The following RAB1B variants were observed in gnomAD, a reference collection of about 807,000 sequenced individuals.
The protein encoded by RAB1B is ras-related protein Rab-1B.
RAB1B carries 10 observed loss-of-function variants against 24.8 expected under a neutral mutation model. The ratio of observed to expected loss-of-function variants is 0.40; its 90% CI spans 0.25 to 0.68. The LOEUF is 0.68. RAB1B is among the 30% of genes least tolerant of loss of function. RAB1B has a pLI of 0.37. For synonymous variants in RAB1B, 99 were observed against 111.7 expected (o/e 0.89, Z 0.72); for missense variants, 154 against 271.2 (o/e 0.57, Z 3.04).
chr11:66,268,774 C>T (rs1590881921), intron 1 of RAB1B, 81 bp downstream of exon 1: 6 of 1,377,456 alleles, frequency 4.4e-6, no homozygotes, highest in Non-Finnish European at 5.8e-6. Context: ...TTGTCTGGCC[C>T]GGGTCAGGAC....
At chr11:66,274,692 C>G (rs1048121339) in intron 4 of RAB1B, among the ~76,000 whole-genome samples, 3 of 151,702 alleles carry the variant, frequency 2.0e-5, no homozygotes, top group Non-Finnish European at 2.9e-5. Context: ...GTGCTCTGGC[C>G]TCTCCCCAAT....
chr11:66,272,081 G>C, intron 2 of RAB1B, 76 bp from the exon 3 acceptor site: 1 of 1,142,966 alleles, frequency 8.7e-7, no homozygotes, highest in Non-Finnish European at 1.3e-6. Flanking sequence ...AGCTGGGGCA[G>C]GGAACTGGAG....
chr11:66,271,926 A>G (rs1590884612), intron 2 of RAB1B, 57 bp downstream of exon 2: 1 of 1,396,608 alleles, frequency 7.2e-7, no homozygotes, highest in Non-Finnish European at 1.0e-6. Context: ...AGCTGGGGGG[A>G]GAAGGGACAA....
chr11:66,274,543 T>C (rs1390959221), intron 4 of RAB1B, among the ~76,000 whole-genome samples: 4 of 152,158 alleles, frequency 2.6e-5, no homozygotes, highest in Admixed American at 6.5e-5. Context: ...CCATTCCCAG[T>C]TGGTCTCTAT....
At chr11:66,271,928 A>G (rs1590884616) in intron 2 of RAB1B, 59 bp downstream of exon 2, 1 of 1,374,992 alleles carries the variant, frequency 7.3e-7, no homozygotes, top group Non-Finnish European at 1.0e-6. Context: ...CTGGGGGGAG[A>G]AGGGACAACA....
In RAB1B at chr11:66,276,847, C is replaced by A. The variant is rs916534773; in HGVS notation, c.*609C>A. On this transcript the variant is annotated 3_prime_UTR_variant, in exon 6 of 6. Transcript: ENST00000311481. Reference sequence around the variant, plus strand: ...CGGTGGGATCTGAGTATATCTAGGGCGGGTGGGCGGGTAGCAGTGCTGGGC... The same window carrying A: ...CGGTGGGATCTGAGTATATCTAGGGAGGGTGGGCGGGTAGCAGTGCTGGGC... The A allele has an allele frequency of 3.7e-4, 1 of 2,716 alleles. No individual in the cohort carries two copies. Among genetic ancestry groups the A allele is most frequent in the Non-Finnish European group, 6.0e-4 (1 of 1,662 alleles). The allele number at this position is 2,716 out of a possible 1,614,324, so 0.2% of individuals were successfully genotyped here.
Position 66,268,647 on chromosome 11 carries a change from C to G in RAB1B, c.-33C>G. Reference sequence around the variant, plus strand: ...GGAACGGGAGGCGGAGCAGAGTCGACTGGGAGCGACCGAGCGGGCCGCCGC... The same window carrying G: ...GGAACGGGAGGCGGAGCAGAGTCGAGTGGGAGCGACCGAGCGGGCCGCCGC... On this transcript the variant is annotated 5_prime_UTR_variant, in exon 1 of 6. Coordinates refer to ENST00000311481, the MANE Select transcript of RAB1B (RefSeq NM_030981.3). 4.5e-6 allele frequency: 7 copies of G among 1,559,068 alleles called. No homozygotes were observed. The highest frequency in any genetic ancestry group is 6.1e-6 in the Non-Finnish European group (7 of 1,153,918).
chr11:66,275,692 A>G, intron 4 of RAB1B, 112 bp from the exon 5 acceptor site: 11 of 1,208,822 alleles, frequency 9.1e-6, no homozygotes, highest in Non-Finnish European at 1.2e-5. Flanking sequence ...CGCTGAGCCC[A>G]GGACTTAAGG....
Position 66,276,275 on chromosome 11 carries a change from C to T in RAB1B, c.*37C>T. On this transcript the variant is annotated 3_prime_UTR_variant, in exon 6 of 6. Coordinates refer to ENST00000311481, the MANE Select transcript of RAB1B (RefSeq NM_030981.3). ...GGAGTGGGACAGGAGGGGGCACCTT[C>T]TCCAGATGATGTCCCTGGAGGGGGC... The T allele has an allele frequency of 6.8e-7, 1 of 1,469,544 alleles. No individual in the cohort carries two copies. The highest frequency in any genetic ancestry group is 9.0e-7 in the Non-Finnish European group (1 of 1,114,750). The allele number at this position is 1,469,544 out of a possible 1,614,324, so 91.0% of individuals were successfully genotyped here. A position where few individuals can be genotyped will look rare whatever the true frequency, so the allele number is the denominator to read the frequency against.
intron 4 of RAB1B, among the ~76,000 whole-genome samples, chr11:66,274,824 C>T (rs1485621047): frequency 6.7e-6 from 1 of 149,210 alleles, no homozygotes; most frequent in Non-Finnish European, 1.5e-5. Context: ...ATTCCATTTC[C>T]TCCCATTCCC....
Position 66,271,809 on chromosome 11 carries a change from T to C in RAB1B, c.27T>C (p.Phe9=). 1.2e-6 allele frequency: 2 copies of C among 1,614,072 alleles called. No individual in the cohort carries two copies. Among genetic ancestry groups the C allele is most frequent in the Non-Finnish European group, 1.7e-6 (2 of 1,179,964 alleles). Residue 9 remains phenylalanine (F), a synonymous_variant, in exon 2 of 6, where the codon TTT becomes TTC. Transcript: ENST00000311481. The part of the protein sequence containing the change: MNPEYDYL[F]KLLLIGDSGV... ...CTTCTCTCTCCAGTGACTACCTGTTTAAGCTGCTTTTGATTGGCGACTCAG... is the reference window on the plus strand; with the variant it reads ...CTTCTCTCTCCAGTGACTACCTGTTCAAGCTGCTTTTGATTGGCGACTCAG...
intron 2 of RAB1B, 95 bp from the exon 3 acceptor site, chr11:66,272,062 C>T (rs764163346): frequency 1.4e-5 from 15 of 1,045,768 alleles, no homozygotes; most frequent in Admixed American, 5.1e-5. Context: ...CTTGGTGGTT[C>T]GGAGACCCAG....
rs767999265 is a variant in RAB1B, at chr11:66,272,171, A to G, written c.102A>G (p.Thr34=). The G allele has an allele frequency of 1.9e-6, 3 of 1,613,032 alleles. No individual in the cohort carries two copies. In the East Asian group the frequency reaches 6.7e-5, roughly 36 times the overall value. ...TGAACTTTCAGGATGACACGTACAC[A>G]GAGAGCTACATCAGCACCATCGGGG... The part of the protein sequence containing the change: ...LLLRFADDTY[T]ESYISTIGVD... The change falls in exon 3 of 6, where the codon ACA becomes ACG. Residue 34 remains threonine (T), a synonymous_variant. Transcript: ENST00000311481.
chr11:66,272,341 G>C, intron 3 of RAB1B, 24 bp from the exon 4 acceptor site: 1 of 1,610,564 alleles, frequency 6.2e-7, no homozygotes, highest in Non-Finnish European at 8.5e-7. Flanking sequence ...CAGCTGACCT[G>C]CTCCTCTGCC....
At chr11:66,271,940 A>G (rs1337975003) in intron 2 of RAB1B, 71 bp downstream of exon 2, 1 of 1,262,606 alleles carries the variant, frequency 7.9e-7, no homozygotes, top group Non-Finnish European at 1.2e-6. Context: ...GGGACAACAC[A>G]GAGCACAGTA....
At chr11:66,271,620 G>C (rs1414386688) in intron 1 of RAB1B, 177 bp from the exon 2 acceptor site, 2 of 547,534 alleles carry the variant, frequency 3.7e-6, no homozygotes, top group Non-Finnish European at 6.6e-6. Context: ...GCAATGAGCC[G>C]TGATCACTTC....
chr11:66,269,913 C>T (rs1278040505), intron 1 of RAB1B: 1 of 151,656 alleles, frequency 6.6e-6, no homozygotes, highest in African/African-American at 2.4e-5. Context: ...CTCTCTCTGT[C>T]ACCCAGGCTG....
At chr11:66,273,806 T>C (rs913416588) in intron 4 of RAB1B, among the ~76,000 whole-genome samples, 16 of 152,114 alleles carry the variant, frequency 1.1e-4, no homozygotes, top group Non-Finnish European at 2.4e-4. Context: ...CTTGGAGAGG[T>C]GTTAAGTAAC....
intron 1 of RAB1B, among the ~76,000 whole-genome samples, chr11:66,269,045 T>C (rs1857003324): frequency 6.6e-6 from 1 of 151,862 alleles, no homozygotes. Flanking sequence ...TGTCCCGGAG[T>C]TTTGGAGCCC....
Sources: allele counts gnomAD v4.1 joint callset (sites outside exome capture counted in the v4.1 genomes callset), GRCh38; gene constraint gnomAD v4.1.1; transcripts MANE v1.5; gene names NCBI Gene and HGNC (gene_info 2026-07-23, HGNC 2026-07-21).